Variants in RIMBP2 observed in about 807,000 individuals in gnomAD.
RIMBP2 encodes RIMS binding protein 2, also known as RIMS-binding protein 2.
RIMBP2 carries 48 observed loss-of-function variants against 118.6 expected under a neutral mutation model. That is an observed-to-expected ratio of 0.40 (90% CI 0.32 to 0.51). The LOEUF is 0.51. Ranked by LOEUF, RIMBP2 falls within the 20% of genes least tolerant of loss-of-function variation. The pLI, the probability that RIMBP2 is intolerant of heterozygous loss-of-function variation, is 0.41. For synonymous variants in RIMBP2, 762 were observed against 742.9 expected, an observed-to-expected ratio of 1.03 and a Z score of -0.42; for missense variants, 1,551 against 1,768.3, an observed-to-expected ratio of 0.88 and a Z score of 2.20.
chr12:130,477,964 G>A (rs562653197), intron 5 of RIMBP2, among the ~76,000 whole-genome samples: 2 of 152,302 alleles, frequency 1.3e-5, no homozygotes, highest in Admixed American at 1.3e-4. Flanking sequence ...GCTCTGGAAG[G>A]AAATGAGATG....
chr12:130,638,604 C>T (rs1056813438), intron 1 of RIMBP2, among the ~76,000 whole-genome samples: 18 of 152,254 alleles, frequency 1.2e-4, no homozygotes, highest in African/African-American at 3.6e-4. Flanking sequence ...GGGCTGCATG[C>T]TCCTTATGAG....
chr12:130,676,762 C>G lies in RIMBP2; in HGVS notation c.-352+39460G>C, dbSNP rs377228961. Among the ~76,000 whole-genome samples the G allele has an allele frequency of 1.1e-3, 161 of 152,292 alleles. 1 individual carries two copies. Among genetic ancestry groups the G allele is most frequent in the African/African-American group, 3.8e-3 (158 of 41,548 alleles). ...GTCTCAAATGTACCATGAGAAGAGACGGTTCCAGACCCACAGGCTTCCTGC... is the reference window on the plus strand; with the variant it reads ...GTCTCAAATGTACCATGAGAAGAGAGGGTTCCAGACCCACAGGCTTCCTGC... On this transcript the variant is annotated intron_variant, in intron 1 of 22. Transcript: ENST00000690449.
At chr12:130,607,094 T>G (rs2060238573) in intron 2 of RIMBP2, among the ~76,000 whole-genome samples, 1 of 152,162 alleles carries the variant, frequency 6.6e-6, no homozygotes, top group Admixed American at 6.5e-5. Context: ...CCTCCCAAAG[T>G]GCTGGGATTA....
At chr12:130,507,123 G>A (rs1414145093) in intron 3 of RIMBP2, among the ~76,000 whole-genome samples, 7 of 152,210 alleles carry the variant, frequency 4.6e-5, no homozygotes, top group Admixed American at 4.6e-4. Flanking sequence ...GGGGGAATGA[G>A]ATCTTGCACT....
At chr12:130,410,804 G>A (rs1463215583) in intron 19 of RIMBP2, among the ~76,000 whole-genome samples, 2 of 152,164 alleles carry the variant, frequency 1.3e-5, no homozygotes, top group Non-Finnish European at 2.9e-5. Context: ...AATCTTCCAA[G>A]CTTCTTGTTC....
intron 17 of RIMBP2, chr12:130,414,719 G>A: frequency 6.3e-6 from 1 of 158,590 alleles, no homozygotes; most frequent in Non-Finnish European, 1.4e-5. Context: ...AGTCCATAGA[G>A]GTGACCAACT....
At chr12:130,448,257 G>A (rs939356985) in intron 9 of RIMBP2, among the ~76,000 whole-genome samples, 33 of 152,192 alleles carry the variant, frequency 2.2e-4, no homozygotes, top group Non-Finnish European at 4.3e-4. Context: ...TCACGCCCCC[G>A]CTTCTGGAGC....
In RIMBP2 at chr12:130,525,193, C is replaced by G. The variant is rs1230258142; in HGVS notation, c.-216-7276G>C. Among the ~76,000 whole-genome samples the G allele has an allele frequency of 6.6e-6, 1 of 152,162 alleles. No individual in the cohort carries two copies. The highest frequency in any genetic ancestry group is 1.5e-5 in the Non-Finnish European group (1 of 68,032). Reference sequence around the variant, plus strand: ...GTTCCTGTAGAGTGCAGGGCAGAAGCAATGGGAAGCCAGCTCCAGGCTTTT... The same window carrying G: ...GTTCCTGTAGAGTGCAGGGCAGAAGGAATGGGAAGCCAGCTCCAGGCTTTT... On this transcript the variant is annotated intron_variant, in intron 2 of 22. Transcript: ENST00000690449. This position sits in a 1 kb window ranked among gnomAD's most constrained non-coding sequence, Gnocchi z 4.4.
intron 1 of RIMBP2, among the ~76,000 whole-genome samples, chr12:130,631,626 T>C (rs10082761): frequency 0.72 from 109,077 of 151,664 alleles, 39,620 homozygotes; most frequent in Middle Eastern, 0.79. Flanking sequence ...GAACCACTTA[T>C]CTACCACCCC....
intron 1 of RIMBP2, among the ~76,000 whole-genome samples, chr12:130,663,235 C>T (rs1387729354): frequency 2.0e-5 from 3 of 152,120 alleles, no homozygotes; most frequent in East Asian, 1.9e-4. Flanking sequence ...CCTGCTCCAC[C>T]CCCTCAGAAG....
chr12:130,437,521 G>A (rs914491973), intron 12 of RIMBP2, among the ~76,000 whole-genome samples: 5 of 152,314 alleles, frequency 3.3e-5, no homozygotes, highest in African/African-American at 7.2e-5. Flanking sequence ...AGAGGGTTCC[G>A]TCAGGCCAGT....
intron 2 of RIMBP2, among the ~76,000 whole-genome samples, chr12:130,532,178 T>G (rs78493110): frequency 3.7e-5 from 5 of 135,006 alleles, no homozygotes; most frequent in South Asian, 2.6e-4. Context: ...CTCTAGGAGG[T>G]ACGTCTAATG....
At chr12:130,529,927 C>T (rs554706478) in intron 2 of RIMBP2, among the ~76,000 whole-genome samples, 3 of 152,298 alleles carry the variant, frequency 2.0e-5, no homozygotes, top group African/African-American at 7.2e-5. Flanking sequence ...CATGCTTATT[C>T]GCCTGCTGTT....
intron 1 of RIMBP2, among the ~76,000 whole-genome samples, chr12:130,642,747 A>G (rs73448944): frequency 0.022 from 3,358 of 152,334 alleles, 112 homozygotes; most frequent in African/African-American, 0.076. Context: ...CAACAACCTT[A>G]TAAGTCAAGT....
intron 2 of RIMBP2, among the ~76,000 whole-genome samples, chr12:130,585,798 C>T (rs968505334): frequency 6.6e-6 from 1 of 152,188 alleles, no homozygotes; most frequent in Admixed American, 6.5e-5. Flanking sequence ...CCCACCACTC[C>T]CCGCTGCCCT....
chr12:130,399,206 A>G, intron 22 of RIMBP2: 2 of 1,125,620 alleles, frequency 1.8e-6, no homozygotes, highest in Non-Finnish European at 2.3e-6. Flanking sequence ...ATATATATAA[A>G]AATATAATAT....
At chr12:130,453,096 G>A (rs1384070024) in intron 7 of RIMBP2, among the ~76,000 whole-genome samples, 1 of 152,186 alleles carries the variant, frequency 6.6e-6, no homozygotes, top group Non-Finnish European at 1.5e-5. Context: ...AAAAAATGTT[G>A]ACTCAAAAAA....
At position 130,590,719 on chromosome 12, in the gene RIMBP2, C is replaced by T. The variant is rs148361302; in HGVS notation, c.-217+37603G>A. Reference sequence around the variant, plus strand: ...GCTTGCCAGGAGCAACCAGACCTCCCCGCTTCTGAGGCACCTCTCATTTGC... The same window carrying T: ...GCTTGCCAGGAGCAACCAGACCTCCTCGCTTCTGAGGCACCTCTCATTTGC... On this transcript the variant is annotated intron_variant, in intron 2 of 22. Transcript: ENST00000690449. Among the ~76,000 whole-genome samples, 910 of 152,332 alleles carry T rather than the reference C, an allele frequency of 6.0e-3. 7 individuals are homozygous for T. The highest frequency in any genetic ancestry group is 0.02 in the Admixed American group (301 of 15,308).
In RIMBP2 at chr12:130,670,374, G is replaced by A. The variant is rs2064143636; in HGVS notation, c.-351-41918C>T. On this transcript the variant is annotated intron_variant, in intron 1 of 22. Coordinates refer to ENST00000690449, the MANE Select transcript of RIMBP2 (RefSeq NM_001393629.1). The surrounding 1 kb of genome is among the most constrained non-coding windows in gnomAD (Gnocchi z 4.9). ...CTTCCCGGCAGCCACCAGCGTGTGAGCATTTTGCCTCGGGAAACTAGAGGG... is the reference window on the plus strand; with the variant it reads ...CTTCCCGGCAGCCACCAGCGTGTGAACATTTTGCCTCGGGAAACTAGAGGG... 6.6e-6 allele frequency among the ~76,000 whole-genome samples: 1 copy of A among 152,168 alleles called. No homozygotes were observed. The highest frequency in any genetic ancestry group is 6.5e-5 in the Admixed American group (1 of 15,282).
Sources: gnomAD v4.1 joint callset for allele counts (sites outside exome capture counted in the v4.1 genomes callset) on GRCh38, gnomAD v4.1.1 for gene constraint, Gnocchi (gnomAD v3.1) non-coding constraint, MANE v1.5 for transcripts, NCBI Gene and HGNC (gene_info 2026-07-23, HGNC 2026-07-21) for gene names.